The following LRRC74A variants were observed in gnomAD, a reference collection of about 807,000 sequenced individuals.
The protein encoded by LRRC74A is leucine rich repeat containing 74A.
LRRC74A carries 44 observed loss-of-function variants against 57.9 expected under a neutral mutation model. The ratio of observed to expected loss-of-function variants is 0.76; its 90% CI spans 0.60 to 0.98. LRRC74A has a LOEUF of 0.98. Among genes scored for constraint, LRRC74A ranks in the 50% least tolerant of loss-of-function variants. LRRC74A has a pLI of 0.00. For missense variants in LRRC74A, 572 were observed against 574.0 expected (o/e 1.00, Z 0.04); for synonymous variants, 211 against 219.4 (o/e 0.96, Z 0.34).
At chr14:76,828,007 C>CCGATCTCCAAGGCA (rs1289134179) in intron 1 of LRRC74A, among the ~76,000 whole-genome samples, 3 of 152,206 alleles carry the variant, frequency 2.0e-5, no homozygotes, top group Non-Finnish European at 4.4e-5. Context: ...GAGCAAGGAG[C>CCGATCTCCAAGGCA]CGATCTCCAA....
intron 3 of LRRC74A, 140 bp from the exon 4 acceptor site, chr14:76,836,067 C>G (rs1896307160): frequency 1.6e-6 from 1 of 640,942 alleles, no homozygotes; most frequent in Non-Finnish European, 2.8e-6. Flanking sequence ...CCGTTCTGGT[C>G]TCCTCGCCCT....
In LRRC74A at chr14:76,837,961, T is replaced by C; in HGVS notation, c.534T>C (p.Leu178=). 6.4e-7 allele frequency: 1 copy of C among 1,570,586 alleles called. No homozygotes were observed. The highest frequency in any genetic ancestry group is 8.7e-7 in the Non-Finnish European group (1 of 1,155,244). The change falls in exon 5 of 14, where the codon CTT becomes CTC. Residue 178 remains leucine (L), a synonymous_variant. Coordinates refer to ENST00000689127, the MANE Select transcript of LRRC74A (RefSeq NM_001385106.1). ...GAAACAGTTCTTCTATCTGGAGCCT[T>C]GAGCTTTCAGGTGAGCACATGGAAA... ...FERNSSSIWS[L]ELSGNDFKED... is the part of the protein sequence containing the mutation.
intron 9 of LRRC74A, among the ~76,000 whole-genome samples, chr14:76,854,243 C>T (rs928779838): frequency 2.0e-5 from 3 of 152,214 alleles, no homozygotes; most frequent in African/African-American, 7.2e-5. Flanking sequence ...GCTGCCCTTC[C>T]TAATTCCATG....
chr14:76,850,026 G>A (rs764215656), intron 7 of LRRC74A, among the ~76,000 whole-genome samples: 2 of 151,832 alleles, frequency 1.3e-5, no homozygotes, highest in Non-Finnish European at 2.9e-5. Context: ...GGCTAACACG[G>A]TGAAACCCCG....
In LRRC74A at chr14:76,853,256, G is replaced by A; in HGVS notation, c.803G>A (p.Gly268Asp). Reference sequence around the variant, plus strand: ...ACAAAGCTGGATCTCTCCATGAATGGCTTTGGGAATGAGGTGGCTCTGGCC... The same window carrying A: ...ACAAAGCTGGATCTCTCCATGAATGACTTTGGGAATGAGGTGGCTCTGGCC... ...TLTKLDLSMNGFGNEVALALG... is the reference protein window; with the variant it reads ...TLTKLDLSMNDFGNEVALALG... The change falls in exon 9 of 14, where the codon GGC (glycine) becomes GAC (aspartate). Residue 268 changes from glycine (G) to aspartate (D), a missense_variant. By Grantham distance (94) the Gly-to-Asp change is moderately conservative. Coordinates refer to ENST00000689127, the MANE Select transcript of LRRC74A (RefSeq NM_001385106.1). 2 of 1,613,620 alleles carry A rather than the reference G, an allele frequency of 1.2e-6. No homozygotes were observed. The highest frequency in any genetic ancestry group is 1.7e-6 in the Non-Finnish European group (2 of 1,179,582).
chr14:76,864,428 G>A (rs1251966142), intron 11 of LRRC74A, among the ~76,000 whole-genome samples: 7 of 117,258 alleles, frequency 6.0e-5, no homozygotes, highest in African/African-American at 9.4e-5. Flanking sequence ...GGGGGGTGGC[G>A]GGGGGAAGGG....
At chr14:76,834,065 G>C (rs1896153735) in intron 3 of LRRC74A, among the ~76,000 whole-genome samples, 1 of 152,106 alleles carries the variant, frequency 6.6e-6, no homozygotes, top group Non-Finnish European at 1.5e-5. Context: ...TAGAATACAT[G>C]GTCTTATTTT....
chr14:76,868,323 G>A (rs1212724055), intron 13 of LRRC74A, among the ~76,000 whole-genome samples: 1 of 152,184 alleles, frequency 6.6e-6, no homozygotes, highest in Non-Finnish European at 1.5e-5. Context: ...AAACACATTA[G>A]CTGAACATGG....
chr14:76,836,139 C>A, intron 3 of LRRC74A, 68 bp from the exon 4 acceptor site: 3 of 1,159,846 alleles, frequency 2.6e-6, no homozygotes, highest in Non-Finnish European at 1.3e-6. Context: ...TGGCCCAGGG[C>A]GAGCAGGGAA....
At chr14:76,864,927 T>C (rs1898658596) in intron 11 of LRRC74A, among the ~76,000 whole-genome samples, 1 of 152,206 alleles carries the variant, frequency 6.6e-6, no homozygotes, top group East Asian at 1.9e-4. Flanking sequence ...CAGTGGGTTC[T>C]GTAAAACAAT....
At chr14:76,865,884 C>A in intron 11 of LRRC74A, 84 bp from the exon 12 acceptor site, 2 of 1,072,590 alleles carry the variant, frequency 1.9e-6, no homozygotes, top group Non-Finnish European at 2.8e-6. Flanking sequence ...AAGCATGGGC[C>A]GCTCTTTTGT....
chr14:76,870,295 G>A lies in LRRC74A; in HGVS notation c.*146G>A, dbSNP rs1354641580. On this transcript the variant is annotated 3_prime_UTR_variant, in exon 14 of 14. Coordinates refer to ENST00000689127, the MANE Select transcript of LRRC74A (RefSeq NM_001385106.1). ...GCACAAGCAAATAAAGTCTGGCTTGGTTCTGGGTGTCTTGGGCTGCTGGTG... is the reference window on the plus strand; with the variant it reads ...GCACAAGCAAATAAAGTCTGGCTTGATTCTGGGTGTCTTGGGCTGCTGGTG... 1.1e-6 allele frequency: 1 copy of A among 898,122 alleles called. No homozygotes were observed. Among genetic ancestry groups the A allele is most frequent in the Non-Finnish European group, 1.7e-6 (1 of 576,652 alleles). 55.6% of individuals were successfully genotyped at this position (898,122 alleles called of 1,614,324 possible). A position where few individuals can be genotyped will look rare whatever the true frequency, so the allele number is the denominator to read the frequency against.
chr14:76,866,200 C>T, intron 12 of LRRC74A, 125 bp downstream of exon 12: 2 of 733,142 alleles, frequency 2.7e-6, no homozygotes. Context: ...CTTCCTGGGA[C>T]AGGCTATGGG....
Position 76,838,907 on chromosome 14 carries a change from C to T in LRRC74A, c.544+936C>T, listed in dbSNP as rs61292870. Among the ~76,000 whole-genome samples, 547 of 152,250 alleles carry T rather than the reference C, an allele frequency of 3.6e-3. 12 individuals are homozygous for T. In the East Asian group the frequency reaches 0.063, roughly 17 times the overall value. On this transcript the variant is annotated intron_variant, in intron 5 of 13. Coordinates refer to ENST00000689127, the MANE Select transcript of LRRC74A (RefSeq NM_001385106.1). ...TAAGCCACCATGCCCAGCCTTAGTT[C>T]GTGTATTTTTAACATAAATGTTTTT...
At chr14:76,848,186 G>A (rs1897230353) in intron 7 of LRRC74A, among the ~76,000 whole-genome samples, 1 of 151,534 alleles carries the variant, frequency 6.6e-6, no homozygotes, top group African/African-American at 2.4e-5. Context: ...GTTTAATGAC[G>A]AGTTAATGGG....
intron 5 of LRRC74A, among the ~76,000 whole-genome samples, chr14:76,841,064 C>CG (rs1316004369): frequency 5.9e-5 from 9 of 151,992 alleles, no homozygotes; most frequent in African/African-American, 2.2e-4. Context: ...GTTTTTGAGA[C>CG]GGAGTCTCCC....
At chr14:76,869,482 G>A (rs909662328) in intron 13 of LRRC74A, among the ~76,000 whole-genome samples, 14 of 160 alleles carry the variant, frequency 0.087, no homozygotes, top group East Asian at 0.2. Context: ...GGCTGGGCGC[G>A]GTGCTCACGC....
intron 11 of LRRC74A, among the ~76,000 whole-genome samples, chr14:76,861,567 G>A (rs1898309118): frequency 6.6e-6 from 1 of 152,210 alleles, no homozygotes; most frequent in African/African-American, 2.4e-5. Flanking sequence ...CGAGTCCTTT[G>A]TTTCTAATGA....
chr14:76,870,219 G>C lies in LRRC74A; in HGVS notation c.*70G>C. The C allele has an allele frequency of 1.3e-6, 2 of 1,513,776 alleles. No individual in the cohort carries two copies. The highest frequency in any genetic ancestry group is 9.1e-7 in the Non-Finnish European group (1 of 1,104,964). 93.8% of individuals were successfully genotyped at this position (1,513,776 alleles called of 1,614,324 possible). ...GCAAGTCGGATGGTGGCAGGGAGGAGAGCAAGAGGTGGCTGAAATCTCGAT... is the reference window on the plus strand; with the variant it reads ...GCAAGTCGGATGGTGGCAGGGAGGACAGCAAGAGGTGGCTGAAATCTCGAT... On this transcript the variant is annotated 3_prime_UTR_variant, in exon 14 of 14. Coordinates refer to ENST00000689127, the MANE Select transcript of LRRC74A (RefSeq NM_001385106.1).
Sources: gnomAD v4.1 joint callset for allele counts (sites outside exome capture counted in the v4.1 genomes callset) on GRCh38, gnomAD v4.1.1 for gene constraint, MANE v1.5 for transcripts, NCBI Gene and HGNC (gene_info 2026-07-23, HGNC 2026-07-21) for gene names.